GRID2: variants seen among roughly 807,000 people sequenced by gnomAD.
GRID2 encodes glutamate ionotropic receptor delta type subunit 2.
In GRID2, 33 loss-of-function variants were observed where a neutral mutation model predicts 114.8. That is an observed-to-expected ratio of 0.29 (90% confidence interval 0.22 to 0.38). The LOEUF is 0.38. Ranked by LOEUF, GRID2 falls within the 10% of genes least tolerant of loss-of-function variation. The probability of loss-of-function intolerance (pLI) is 1.00; values close to 1 mark genes in which losing one functional copy is unlikely to be tolerated. For synonymous variants in GRID2, 505 were observed against 449.9 expected (o/e 1.12, Z -1.55); for missense variants, 1,184 against 1,257.7 (o/e 0.94, Z 0.89).
At chr4:92,763,326 A>G (rs565151906) in intron 2 of GRID2, among the ~76,000 whole-genome samples, 3 of 152,294 alleles carry the variant, frequency 2.0e-5, no homozygotes, top group Admixed American at 2.0e-4. Context: ...AGGACAAGGG[A>G]AAAATGCACA....
intron 2 of GRID2, among the ~76,000 whole-genome samples, chr4:93,063,052 T>C (rs1226614880): frequency 1.3e-5 from 2 of 151,956 alleles, no homozygotes; most frequent in Non-Finnish European, 2.9e-5. Context: ...GGCTGCATTC[T>C]GTTTCAAGAC....
intron 2 of GRID2, among the ~76,000 whole-genome samples, chr4:92,792,490 C>G (rs992936897): frequency 6.6e-6 from 1 of 151,116 alleles, no homozygotes; most frequent in Admixed American, 6.6e-5. Context: ...CACACACACA[C>G]ACACACACAC....
intron 14 of GRID2, among the ~76,000 whole-genome samples, chr4:93,683,030 A>G (rs568327217): frequency 2.0e-5 from 3 of 152,242 alleles, no homozygotes; most frequent in Admixed American, 6.5e-5. Flanking sequence ...GATTCAATAT[A>G]TCTTTCCCAT....
chr4:93,244,478 T>C (rs1482792186), intron 8 of GRID2, among the ~76,000 whole-genome samples: 1 of 136,232 alleles, frequency 7.3e-6, no homozygotes, highest in Admixed American at 7.4e-5. Context: ...AAGGATATTA[T>C]ATTATATAAT....
At chr4:92,573,921 G>A (rs1161548511) in intron 1 of GRID2, among the ~76,000 whole-genome samples, 5 of 152,024 alleles carry the variant, frequency 3.3e-5, no homozygotes. Context: ...AAGGCTCACA[G>A]TATTACTTTG....
chr4:92,584,148 T>C (rs1282817515), intron 1 of GRID2, among the ~76,000 whole-genome samples: 2 of 151,956 alleles, frequency 1.3e-5, no homozygotes, highest in African/African-American at 4.8e-5. Context: ...ACATTTTTTC[T>C]CCTTGAACTG....
At chr4:92,699,914 TG>T (rs1734590090) in intron 2 of GRID2, among the ~76,000 whole-genome samples, 1 of 152,218 alleles carries the variant, frequency 6.6e-6, no homozygotes, top group South Asian at 2.1e-4. Context: ...CACATGATTT[TG>T]TTAAGTATAC....
intron 14 of GRID2, among the ~76,000 whole-genome samples, chr4:93,677,371 C>G (rs964078284): frequency 6.6e-6 from 1 of 152,172 alleles, no homozygotes; most frequent in African/African-American, 2.4e-5. Context: ...AACAAAAAGA[C>G]AGCAGTAACC....
In GRID2 at chr4:92,938,169, C is replaced by G. The variant is rs566546943; in HGVS notation, c.245-146826C>G. On this transcript the variant is annotated intron_variant, in intron 2 of 15. Coordinates refer to ENST00000282020, the MANE Select transcript of GRID2 (RefSeq NM_001510.4). ...ATTGATTGAGTTTTGTATGTTGAAC[C>G]ACCCTGGTATTGCTGAAATAAATCA... Among the ~76,000 whole-genome samples, 10 of 146,360 alleles carry G rather than the reference C, an allele frequency of 6.8e-5. 1 individual carries two copies. In the South Asian group the frequency reaches 2.3e-3, roughly 33 times the overall value.
intron 2 of GRID2, among the ~76,000 whole-genome samples, chr4:92,948,213 TA>T: frequency 6.6e-6 from 1 of 152,050 alleles, no homozygotes; most frequent in East Asian, 1.9e-4. Context: ...ATTTGGTAGG[TA>T]AAATTATAAT....
intron 13 of GRID2, among the ~76,000 whole-genome samples, chr4:93,613,909 G>A (rs1308216494): frequency 2.6e-5 from 4 of 151,646 alleles, no homozygotes; most frequent in East Asian, 1.9e-4. Context: ...CCCTCCCCCA[G>A]CCTAGTTGCC....
At chr4:92,539,676 G>A (rs185984825) in intron 1 of GRID2, among the ~76,000 whole-genome samples, 219 of 152,148 alleles carry the variant, frequency 1.4e-3, no homozygotes, top group Non-Finnish European at 2.9e-3. Context: ...TAATTGCTGG[G>A]ATATATGATA....
chr4:92,380,406 T>C (rs1729562191), intron 1 of GRID2, among the ~76,000 whole-genome samples: 1 of 152,024 alleles, frequency 6.6e-6, no homozygotes, highest in Non-Finnish European at 1.5e-5. Context: ...TTGTTATCTG[T>C]GAAATTTGTA....
At chr4:92,920,357 C>T (rs932875587) in intron 2 of GRID2, among the ~76,000 whole-genome samples, 2 of 151,994 alleles carry the variant, frequency 1.3e-5, no homozygotes, top group African/African-American at 4.8e-5. Flanking sequence ...ATTTAAAATT[C>T]ATATTGTTAT....
chr4:93,150,106 G>A (rs565347507), intron 4 of GRID2, among the ~76,000 whole-genome samples: 8 of 152,244 alleles, frequency 5.3e-5, no homozygotes, highest in African/African-American at 1.9e-4. Context: ...TTTTTTAAGA[G>A]CTAGAGTTGC....
At chr4:92,814,221 T>A (rs1189637995) in intron 2 of GRID2, among the ~76,000 whole-genome samples, 1 of 152,238 alleles carries the variant, frequency 6.6e-6, no homozygotes, top group South Asian at 2.1e-4. Flanking sequence ...ATGTATGTGG[T>A]AGTCAGAGGC....
chr4:93,509,721 G>C (rs536448344), intron 12 of GRID2, among the ~76,000 whole-genome samples: 11 of 152,278 alleles, frequency 7.2e-5, no homozygotes, highest in Non-Finnish European at 1.6e-4. Flanking sequence ...AGTACCTCTT[G>C]GGGATGGCCT....
At chr4:93,255,904 C>T (rs887488896) in intron 8 of GRID2, among the ~76,000 whole-genome samples, 1 of 152,038 alleles carries the variant, frequency 6.6e-6, no homozygotes, top group African/African-American at 2.4e-5. Context: ...TAAGTACAGA[C>T]AATCTCTATA....
intron 2 of GRID2, among the ~76,000 whole-genome samples, chr4:92,723,092 A>G (rs936394495): frequency 1.1e-4 from 17 of 152,054 alleles, no homozygotes; most frequent in African/African-American, 4.1e-4. Context: ...TGAATAATGG[A>G]TAAGGCCTTA....
Sources: gnomAD v4.1 joint callset for allele counts (sites outside exome capture counted in the v4.1 genomes callset) on GRCh38, gnomAD v4.1.1 for gene constraint, MANE v1.5 for transcripts, NCBI Gene and HGNC (gene_info 2026-07-23, HGNC 2026-07-21) for gene names.